Variants in SLC2A1 observed in about 807,000 individuals in gnomAD.
The protein encoded by SLC2A1 is solute carrier family 2, facilitated glucose transporter member 1.
A neutral mutation model predicts 46.6 loss-of-function variants in SLC2A1; 4 were observed. That is an observed-to-expected ratio of 0.09 (90% CI 0.04 to 0.20). The LOEUF (loss-of-function observed/expected upper bound fraction) is 0.20. Ranked by LOEUF, SLC2A1 falls within the 10% of genes least tolerant of loss-of-function variation. The pLI is 1.00. For missense variants in SLC2A1, 352 were observed against 667.0 expected, an observed-to-expected ratio of 0.53 and a Z score of 5.20; for synonymous variants, 253 against 270.0, an observed-to-expected ratio of 0.94 and a Z score of 0.62.
Position 42,927,125 on chromosome 1 carries a change from G to T in SLC2A1, c.1395C>A (p.Ser465=). The change falls in exon 10 of 10, where the codon TCC becomes TCA. Residue 465 remains serine (S), a synonymous_variant. Coordinates refer to ENST00000426263, the MANE Select transcript of SLC2A1 (RefSeq NM_006516.4). This position sits in a 1 kb window ranked among gnomAD's most constrained non-coding sequence, Gnocchi z 5.3. Reference sequence around the variant, plus strand: ...GGCTGGCTCCCCCCTGCCGGAAGCCGGAAGCGATCTCATCGAAGGTCCGGC... The same window carrying T: ...GGCTGGCTCCCCCCTGCCGGAAGCCTGAAGCGATCTCATCGAAGGTCCGGC... ...TKGRTFDEIA[S]GFRQGGASQS... is the part of the protein sequence containing the mutation. 1 of 1,614,202 alleles carries T rather than the reference G, an allele frequency of 6.2e-7. No homozygotes were observed. The highest frequency in any genetic ancestry group is 8.5e-7 in the Non-Finnish European group (1 of 1,180,030).
chr1:42,946,005 C>T (rs1643651402), intron 1 of SLC2A1, among the ~76,000 whole-genome samples: 1 of 152,096 alleles, frequency 6.6e-6, no homozygotes, highest in South Asian at 2.1e-4. Flanking sequence ...ATGGATCTGG[C>T]AAAAATTATG....
chr1:42,952,087 G>T, intron 1 of SLC2A1: 1 of 454,200 alleles, frequency 2.2e-6, no homozygotes, highest in Non-Finnish European at 3.9e-6. Context: ...GGGGTCAACA[G>T]ATGATGGGCA....
Position 42,930,585 on chromosome 1 carries a change from G to A in SLC2A1, c.516+41C>T. 1.2e-6 allele frequency: 2 copies of A among 1,611,242 alleles called. No homozygotes were observed. The highest frequency in any genetic ancestry group is 1.7e-6 in the Non-Finnish European group (2 of 1,178,924). On this transcript the variant is annotated intron_variant, in intron 4 of 9. Transcript: ENST00000426263. This position sits in a 1 kb window ranked among gnomAD's most constrained non-coding sequence, Gnocchi z 6.2. ...GATCCGAGAGCCACTGAAGCTGTGG[G>A]CAGGGGCCGTGCCAGGCAGGTAGAT...
In SLC2A1 at chr1:42,926,698, C is replaced by T; in HGVS notation, c.*343G>A. On this transcript the variant is annotated 3_prime_UTR_variant, in exon 10 of 10. Transcript: ENST00000426263. ...TGGGTGAAGAAGGCAAGTGTCTCGA[C>T]AGGGCTTAGTCTCCACCCTCAGGCA... 2 of 1,343,416 alleles carry T rather than the reference C, an allele frequency of 1.5e-6. No homozygotes were observed. The highest frequency in any genetic ancestry group is 2.0e-6 in the Non-Finnish European group (2 of 1,024,672). 83.2% of individuals were successfully genotyped at this position (1,343,416 alleles called of 1,614,324 possible).
At chr1:42,931,624 G>A (rs540693205) in intron 2 of SLC2A1, among the ~76,000 whole-genome samples, 10 of 151,948 alleles carry the variant, frequency 6.6e-5, no homozygotes, top group Admixed American at 2.6e-4. Context: ...TCAGGAGTTC[G>A]AGACCAGCCA....
At chr1:42,933,331 G>A (rs1449191462) in intron 2 of SLC2A1, among the ~76,000 whole-genome samples, 8 of 151,878 alleles carry the variant, frequency 5.3e-5, no homozygotes, top group African/African-American at 1.7e-4. Context: ...ACCCCTCTAC[G>A]CCTTTGAGAT....
chr1:42,929,089 C>G lies in SLC2A1; in HGVS notation c.973-56G>C. 6.3e-7 allele frequency: 1 copy of G among 1,580,042 alleles called. No homozygotes were observed. Among genetic ancestry groups the G allele is most frequent in the Non-Finnish European group, 8.7e-7 (1 of 1,149,994 alleles). On this transcript the variant is annotated intron_variant, in intron 7 of 9. Coordinates refer to ENST00000426263, the MANE Select transcript of SLC2A1 (RefSeq NM_006516.4). The surrounding 1 kb of genome is among the most constrained non-coding windows in gnomAD (Gnocchi z 6.0). ...CTGCCTAGTGCCCTTCTGAACCCAC[C>G]CACCCAGAGGCCTTGCCTCAAGAGC...
At chr1:42,939,269 T>C (rs1028888866) in intron 2 of SLC2A1, among the ~76,000 whole-genome samples, 2 of 152,238 alleles carry the variant, frequency 1.3e-5, no homozygotes, top group African/African-American at 2.4e-5. Flanking sequence ...TCACTTCTAA[T>C]CTGGCTCCTG....
At chr1:42,952,613 T>A (rs923159049) in intron 1 of SLC2A1, 4 of 299,164 alleles carry the variant, frequency 1.3e-5, no homozygotes, top group African/African-American at 2.2e-5. Context: ...AGAATCTGTT[T>A]ACCTGGGGCC....
chr1:42,932,476 A>G lies in SLC2A1; in HGVS notation c.115-1270T>C, dbSNP rs3820547. 3.8e-3 allele frequency among the ~76,000 whole-genome samples: 571 copies of G among 152,250 alleles called. 6 individuals carry two copies. Among genetic ancestry groups the G allele is most frequent in the East Asian group, 0.035 (181 of 5,164 alleles). Reference sequence around the variant, plus strand: ...ATACCCGTGCTCATAGAATCTAAATATTCCTGCTTTAGCCAGTCACAAACT... The same window carrying G: ...ATACCCGTGCTCATAGAATCTAAATGTTCCTGCTTTAGCCAGTCACAAACT... On this transcript the variant is annotated intron_variant, in intron 2 of 9. Transcript: ENST00000426263.
At chr1:42,931,818 T>C (rs1570594442) in intron 2 of SLC2A1, among the ~76,000 whole-genome samples, 1 of 122,468 alleles carries the variant, frequency 8.2e-6, no homozygotes, top group Non-Finnish European at 1.7e-5. Flanking sequence ...AGAGTGAGAC[T>C]CTATGTCTCA....
At chr1:42,941,585 G>A (rs1643598835) in intron 2 of SLC2A1, among the ~76,000 whole-genome samples, 1 of 152,204 alleles carries the variant, frequency 6.6e-6, no homozygotes, top group Non-Finnish European at 1.5e-5. Flanking sequence ...AAATCCAGTA[G>A]CTGTCAACCT....
At position 42,930,608 on chromosome 1, in the gene SLC2A1, G is replaced by C. The variant is rs1284524947; in HGVS notation, c.516+18C>G. ...GGGCAGGGGCCGTGCCAGGCAGGTA[G>C]ATCCTGCCCCAGCTTACCTGGGCGA... On this transcript the variant is annotated intron_variant, in intron 4 of 9. Coordinates refer to ENST00000426263, the MANE Select transcript of SLC2A1 (RefSeq NM_006516.4). This position sits in a 1 kb window ranked among gnomAD's most constrained non-coding sequence, Gnocchi z 6.2. 6.2e-7 allele frequency: 1 copy of C among 1,612,216 alleles called. No homozygotes were observed. Among genetic ancestry groups the C allele is most frequent in the African/African-American group, 1.3e-5 (1 of 75,024 alleles).
chr1:42,935,898 T>C (rs1337579361), intron 2 of SLC2A1, among the ~76,000 whole-genome samples: 2 of 152,182 alleles, frequency 1.3e-5, no homozygotes, highest in Non-Finnish European at 2.9e-5. Context: ...TAGAATCCAT[T>C]AGGTAGGGTC....
At position 42,930,019 on chromosome 1, in the gene SLC2A1, G is replaced by A. The variant is rs2124449446; in HGVS notation, c.533C>T (p.Ser178Phe). The A allele has an allele frequency of 6.2e-7, 1 of 1,614,100 alleles. No individual in the cohort carries two copies. Among genetic ancestry groups the A allele is most frequent in the Non-Finnish European group, 8.5e-7 (1 of 1,180,026 alleles). ...ILIAQVFGLDSIMGNKDLWPL... is the reference protein window; with the variant it reads ...ILIAQVFGLDFIMGNKDLWPL... ...CCACAGGTCCTTGTTGCCCATGATG[G>A]AGTCCAGGCCGAACACCTGGGGGAA... is the stretch of plus-strand genomic sequence containing the variant. The change falls in exon 5 of 10, where the codon TCC (serine) becomes TTC (phenylalanine). Residue 178 changes from serine to phenylalanine, a missense_variant. Coordinates refer to ENST00000426263, the MANE Select transcript of SLC2A1 (RefSeq NM_006516.4). This position sits in a 1 kb window ranked among gnomAD's most constrained non-coding sequence, Gnocchi z 6.2.
At chr1:42,953,790 G>A (rs1420635578) in intron 1 of SLC2A1, among the ~76,000 whole-genome samples, 1 of 152,204 alleles carries the variant, frequency 6.6e-6, no homozygotes, top group Non-Finnish European at 1.5e-5. Flanking sequence ...GGGGATTTGA[G>A]GCTGGCCCAG....
At position 42,926,793 on chromosome 1, in the gene SLC2A1, C is replaced by A; in HGVS notation, c.*248G>T. ...CAGGCTGATATAAAAATAACAAAAT[C>A]AGTAATAAAAAAATTATAAAACCTG... On this transcript the variant is annotated 3_prime_UTR_variant, in exon 10 of 10. Coordinates refer to ENST00000426263, the MANE Select transcript of SLC2A1 (RefSeq NM_006516.4). 6.7e-7 allele frequency: 1 copy of A among 1,481,672 alleles called. No individual in the cohort carries two copies. The highest frequency in any genetic ancestry group is 8.9e-7 in the Non-Finnish European group (1 of 1,120,702). 91.8% of individuals were successfully genotyped at this position (1,481,672 alleles called of 1,614,324 possible).
Position 42,943,046 on chromosome 1 carries a change from T to C in SLC2A1, c.114+180A>G. On this transcript the variant is annotated intron_variant, in intron 2 of 9. Transcript: ENST00000426263. The stretch of plus-strand genomic sequence containing the variant: ...AGATTCTAGAATTCTGCCACCCTGA[T>C]TCCAAAGCAAGAGAAGAGTCTCTGA... The C allele has an allele frequency of 4.6e-6, 3 of 646,476 alleles. No homozygotes were observed. The South Asian group carries it at 5.2e-5, about 11-fold the overall frequency. The allele number at this position is 646,476 out of a possible 1,614,324, so 40.0% of individuals were successfully genotyped here.
intron 1 of SLC2A1, among the ~76,000 whole-genome samples, chr1:42,945,850 A>C (rs1643650098): frequency 6.6e-6 from 1 of 152,172 alleles, no homozygotes; most frequent in African/African-American, 2.4e-5. Flanking sequence ...ATTTCATTTT[A>C]TAGCCTTTGG....
Sources: allele counts gnomAD v4.1 joint callset (sites outside exome capture counted in the v4.1 genomes callset), GRCh38; gene constraint gnomAD v4.1.1; non-coding constraint Gnocchi (gnomAD v3.1); transcripts MANE v1.5; gene names NCBI Gene and HGNC (gene_info 2026-07-23, HGNC 2026-07-21).